Variants in UGGT1 observed in about 807,000 individuals in gnomAD.
UGGT1 encodes UDP-glucose:glycoprotein glucosyltransferase 1.
UGGT1 carries 107 observed loss-of-function variants against 203.9 expected under a neutral mutation model. That is an observed-to-expected ratio of 0.52 (90% CI 0.45 to 0.62). The LOEUF is 0.62. Among genes scored for constraint, UGGT1 ranks in the 20% least tolerant of loss-of-function variants. The pLI, the probability that UGGT1 is intolerant of heterozygous loss-of-function variation, is 0.00. For synonymous variants in UGGT1, 628 were observed against 653.5 expected, an observed-to-expected ratio of 0.96 and a Z score of 0.59; for missense variants, 1,673 against 1,867.2, an observed-to-expected ratio of 0.90 and a Z score of 1.92.
intron 17 of UGGT1, among the ~76,000 whole-genome samples, chr2:128,145,269 G>A (rs1021899591): frequency 6.6e-6 from 1 of 152,164 alleles, no homozygotes; most frequent in African/African-American, 2.4e-5. Context: ...CATTTTGGCA[G>A]CCCATGGTCA....
intron 18 of UGGT1, 90 bp from the exon 19 acceptor site, chr2:128,152,694 T>C: frequency 6.6e-7 from 1 of 1,506,576 alleles, no homozygotes; most frequent in Admixed American, 2.2e-5. Context: ...AAGCCATTTA[T>C]AAAGTTAATA....
intron 18 of UGGT1, among the ~76,000 whole-genome samples, chr2:128,149,788 GA>G (rs1277935534): frequency 1.4e-3 from 187 of 131,146 alleles, no homozygotes; most frequent in African/African-American, 3.6e-3. Flanking sequence ...TCCGTCTCAA[GA>G]AAAAAAAAAA....
intron 11 of UGGT1, among the ~76,000 whole-genome samples, chr2:128,126,853 T>A (rs922846113): frequency 6.6e-6 from 1 of 151,950 alleles, no homozygotes; most frequent in Non-Finnish European, 1.5e-5. Context: ...TGGTTAATTT[T>A]TGTATTTTTA....
intron 27 of UGGT1, 62 bp downstream of exon 27, chr2:128,170,452 T>C: frequency 2.8e-6 from 4 of 1,447,930 alleles, no homozygotes; most frequent in Non-Finnish European, 3.9e-6. Flanking sequence ...TGCTCTGAAA[T>C]TCACTGAGAG....
chr2:128,156,264 G>T (rs911868350), intron 20 of UGGT1, 128 bp from the exon 21 acceptor site: 32 of 720,538 alleles, frequency 4.4e-5, no homozygotes, highest in Middle Eastern at 2.3e-4. Context: ...CCATGACACC[G>T]ACAGGACTAA....
chr2:128,183,479 A>T (rs1282240833), intron 37 of UGGT1, among the ~76,000 whole-genome samples, 196 bp from the exon 38 acceptor site: 1 of 152,276 alleles, frequency 6.6e-6, no homozygotes, highest in Non-Finnish European at 1.5e-5. Context: ...ACAAAAGCAT[A>T]GCACAGTATA....
chr2:128,108,078 G>T lies in UGGT1; in HGVS notation c.408+10G>T. On this transcript the variant is annotated intron_variant, in intron 4 of 40. Transcript: ENST00000259253. ...CCAAGCCTTCCAGCAGGTGGGTCCA[G>T]TGCTCTTAAAGAACAGCATTTTAGA... 3 of 1,613,982 alleles carry T rather than the reference G, an allele frequency of 1.9e-6. No individual in the cohort carries two copies. Among genetic ancestry groups the T allele is most frequent in the Non-Finnish European group, 2.5e-6 (3 of 1,179,976 alleles).
chr2:128,177,841 A>G lies in UGGT1; in HGVS notation c.3634A>G (p.Lys1212Glu). 2 of 1,598,744 alleles carry G rather than the reference A, an allele frequency of 1.3e-6. No individual in the cohort carries two copies. Among genetic ancestry groups the G allele is most frequent in the South Asian group, 2.3e-5 (2 of 88,282 alleles). The change falls in exon 33 of 41, where the codon AAG becomes GAG. Residue 1212 changes from lysine (K) to glutamate (E), a missense_variant. Lys to Glu is a moderately conservative substitution (Grantham distance 56, BLOSUM62 1). Coordinates refer to ENST00000259253, the MANE Select transcript of UGGT1 (RefSeq NM_020120.4). Reference sequence around the variant, plus strand: ...TCACATTTGATTGCAGGTTCAGAAGAAGGCAGATATGGTGAACGAAGACTT... The same window carrying G: ...TCACATTTGATTGCAGGTTCAGAAGGAGGCAGATATGGTGAACGAAGACTT... Reference protein sequence around the residue: ...SKIIKVKVQKKADMVNEDLLS... With the variant: ...SKIIKVKVQKEADMVNEDLLS...
At position 128,181,051 on chromosome 2, in the gene UGGT1, C is replaced by T. The variant is rs960928728; in HGVS notation, c.4062C>T (p.Phe1354=). ...DVLFPLVVDK[F]LFVDADQIVR... ...TTTTCCCACTAGTTGTTGACAAGTT[C>T]CTGTTTGTGGATGCTGATCAGGTAG... Residue 1354 remains phenylalanine (F), a synonymous_variant, in exon 36 of 41, where the codon TTC becomes TTT. Transcript: ENST00000259253. 1.2e-5 allele frequency: 19 copies of T among 1,613,922 alleles called. No homozygotes were observed. Among genetic ancestry groups the T allele is most frequent in the Non-Finnish European group, 1.4e-5 (17 of 1,179,986 alleles).
At chr2:128,130,401 G>T (rs1688817364) in intron 13 of UGGT1, among the ~76,000 whole-genome samples, 1 of 152,092 alleles carries the variant, frequency 6.6e-6, no homozygotes, top group African/African-American at 2.4e-5. Context: ...TTATTTAAGA[G>T]AAATAATGTA....
intron 1 of UGGT1, among the ~76,000 whole-genome samples, chr2:128,094,072 C>T (rs1389230640): frequency 6.6e-6 from 1 of 152,180 alleles, no homozygotes; most frequent in African/African-American, 2.4e-5. Context: ...ACTCTACATG[C>T]CATCCACCTG....
intron 14 of UGGT1, among the ~76,000 whole-genome samples, chr2:128,134,476 C>G (rs1689036734): frequency 6.6e-6 from 1 of 152,222 alleles, no homozygotes; most frequent in Non-Finnish European, 1.5e-5. Context: ...ATATGCTTGC[C>G]TGACAGCTGT....
intron 1 of UGGT1, 111 bp downstream of exon 1, chr2:128,091,526 A>C: frequency 6.8e-7 from 1 of 1,480,386 alleles, no homozygotes. Flanking sequence ...GACTCAGTTT[A>C]CCCTCTGGTG....
chr2:128,097,353 C>A, intron 1 of UGGT1, 76 bp from the exon 2 acceptor site: 2 of 1,514,430 alleles, frequency 1.3e-6, no homozygotes, highest in Admixed American at 2.1e-5. Context: ...CCAGCCTGGG[C>A]GACAGGGCGA....
chr2:128,120,646 G>A (rs1262788840), intron 9 of UGGT1, among the ~76,000 whole-genome samples, 190 bp downstream of exon 9: 1 of 152,136 alleles, frequency 6.6e-6, no homozygotes, highest in African/African-American at 2.4e-5. Flanking sequence ...ATAACACTAG[G>A]TAGAAGTAAT....
intron 2 of UGGT1, 36 bp downstream of exon 2, chr2:128,097,600 G>A: frequency 6.2e-7 from 1 of 1,610,694 alleles, no homozygotes; most frequent in Non-Finnish European, 8.5e-7. Flanking sequence ...GTGTATTTGA[G>A]TATAAATATA....
At chr2:128,117,240 T>C (rs6754450) in intron 8 of UGGT1, among the ~76,000 whole-genome samples, 136,877 of 152,036 alleles carry the variant, frequency 0.9, 62,391 homozygotes, top group Non-Finnish European at 0.98. Context: ...CAGGCACCCA[T>C]CACCATGCCT....
At chr2:128,094,300 C>T (rs1393884166) in intron 1 of UGGT1, among the ~76,000 whole-genome samples, 1 of 151,756 alleles carries the variant, frequency 6.6e-6, no homozygotes, top group Non-Finnish European at 1.5e-5. Flanking sequence ...AATTTTTTCT[C>T]TCAGCCACAG....
At chr2:128,175,831 C>A (rs895782093) in intron 31 of UGGT1, among the ~76,000 whole-genome samples, 3 of 152,204 alleles carry the variant, frequency 2.0e-5, no homozygotes, top group Non-Finnish European at 4.4e-5. Context: ...TGCCTGAGAA[C>A]CCTACTCTCT....
Sources: allele counts gnomAD v4.1 joint callset (sites outside exome capture counted in the v4.1 genomes callset), GRCh38; gene constraint gnomAD v4.1.1; transcripts MANE v1.5; gene names NCBI Gene and HGNC (gene_info 2026-07-23, HGNC 2026-07-21).